The following DIP2C variants were observed in gnomAD, a reference collection of about 807,000 sequenced individuals.
The protein encoded by DIP2C is disco-interacting protein 2 homolog C.
DIP2C carries 33 observed loss-of-function variants against 192.4 expected under a neutral mutation model. The observed-to-expected ratio is 0.17, with a 90% CI of 0.13 to 0.23. The LOEUF is 0.23. DIP2C is among the 10% of genes least tolerant of loss of function. The pLI is 1.00. For missense variants in DIP2C, 1,537 were observed against 2,110.1 expected (o/e 0.73, Z 5.32); for synonymous variants, 979 against 864.1 (o/e 1.13, Z -2.33).
At chr10:599,328 G>C (rs1413450612) in intron 1 of DIP2C, among the ~76,000 whole-genome samples, 2 of 152,218 alleles carry the variant, frequency 1.3e-5, no homozygotes, top group Non-Finnish European at 2.9e-5. Flanking sequence ...ACACAGGTAA[G>C]TGAGTTTCTC....
Position 577,785 on chromosome 10 carries a change from C to T in DIP2C, c.86-91255G>A, listed in dbSNP as rs573481555. ...TAAGAGGAACTTGGCTGAGACTAAA[C>T]CCAGAGATGTTTTGTTTTGTTTCTT... On this transcript the variant is annotated intron_variant, in intron 1 of 36. Transcript: ENST00000280886. 1.7e-4 allele frequency among the ~76,000 whole-genome samples: 26 copies of T among 151,848 alleles called. 1 individual carries two copies. In the South Asian group the frequency reaches 5.2e-3, roughly 30 times the overall value.
intron 1 of DIP2C, among the ~76,000 whole-genome samples, chr10:634,611 G>T (rs967892109): frequency 7.2e-5 from 11 of 152,078 alleles, no homozygotes; most frequent in Non-Finnish European, 1.5e-4. Flanking sequence ...ATTTAGCTGG[G>T]TGTGTTGGTG....
At chr10:390,605 G>T (rs545236363) in intron 11 of DIP2C, 135 bp downstream of exon 11, 1 of 1,419,872 alleles carries the variant, frequency 7.0e-7, no homozygotes, top group Non-Finnish European at 9.6e-7. Context: ...GGACGAGAAC[G>T]CGTGAAAACT....
At chr10:621,359 G>A (rs1853835591) in intron 1 of DIP2C, among the ~76,000 whole-genome samples, 1 of 149,984 alleles carries the variant, frequency 6.7e-6, no homozygotes, top group African/African-American at 2.5e-5. Flanking sequence ...ATGCTCACGA[G>A]TCTGTGCCAA....
chr10:342,450 G>A (rs780140586), intron 28 of DIP2C, among the ~76,000 whole-genome samples: 9 of 152,150 alleles, frequency 5.9e-5, no homozygotes, highest in Non-Finnish European at 5.9e-5. Context: ...GAGACACCGC[G>A]CCTGGCCTCG....
intron 1 of DIP2C, among the ~76,000 whole-genome samples, chr10:612,761 T>C (rs747779939): frequency 6.6e-6 from 1 of 152,208 alleles, no homozygotes; most frequent in African/African-American, 2.4e-5. Flanking sequence ...TTTACACACA[T>C]GTTCATTGCT....
intron 14 of DIP2C, among the ~76,000 whole-genome samples, chr10:387,519 C>T (rs1963059622): frequency 8.0e-6 from 1 of 125,168 alleles, no homozygotes; most frequent in Non-Finnish European, 1.6e-5. Flanking sequence ...CCTGTGTGGA[C>T]AGACAGTGAG....
At chr10:508,385 C>A (rs1204322670) in intron 1 of DIP2C, among the ~76,000 whole-genome samples, 2 of 152,186 alleles carry the variant, frequency 1.3e-5, no homozygotes, top group Non-Finnish European at 2.9e-5. Context: ...TGCTCCCCAG[C>A]GTTAATGCCC....
chr10:502,268 G>C (rs1845289348), intron 1 of DIP2C, among the ~76,000 whole-genome samples: 1 of 152,176 alleles, frequency 6.6e-6, no homozygotes, highest in South Asian at 2.1e-4. Context: ...GCACACACAG[G>C]AACTAAACCT....
At chr10:538,368 T>TG (rs776970820) in intron 1 of DIP2C, among the ~76,000 whole-genome samples, 1 of 152,194 alleles carries the variant, frequency 6.6e-6, no homozygotes, top group Non-Finnish European at 1.5e-5. Flanking sequence ...TTGCCTAGCC[T>TG]GGTCTCAAAC....
intron 1 of DIP2C, among the ~76,000 whole-genome samples, chr10:645,444 C>A (rs1855399510): frequency 6.6e-6 from 1 of 152,202 alleles, no homozygotes; most frequent in African/African-American, 2.4e-5. Flanking sequence ...TGTGCCTCCT[C>A]TCTGCTCCAT....
intron 1 of DIP2C, among the ~76,000 whole-genome samples, chr10:672,891 C>T (rs1015306184): frequency 6.6e-6 from 1 of 152,152 alleles, no homozygotes; most frequent in Non-Finnish European, 1.5e-5. Flanking sequence ...CTTTTGTCAT[C>T]CATGACACAC....
intron 1 of DIP2C, among the ~76,000 whole-genome samples, chr10:571,248 C>T (rs978366703): frequency 3.3e-5 from 5 of 152,228 alleles, no homozygotes; most frequent in Admixed American, 1.3e-4. Context: ...GCTGTGCGGA[C>T]GACCTCTTCG....
chr10:318,819 CTG>C (rs1204529726), intron 31 of DIP2C, among the ~76,000 whole-genome samples: 3 of 152,136 alleles, frequency 2.0e-5, no homozygotes, highest in African/African-American at 7.2e-5. Context: ...GACAAGGAAA[CTG>C]AGAGCTCAAG....
intron 13 of DIP2C, among the ~76,000 whole-genome samples, chr10:389,228 G>A (rs1418382990): frequency 6.6e-6 from 1 of 152,090 alleles, no homozygotes; most frequent in East Asian, 1.9e-4. Flanking sequence ...GTCTCAAAGG[G>A]CCTCAGGGTA....
rs147640790 is a variant in DIP2C, at chr10:327,033, G to A, written c.3897C>T (p.Cys1299=). 3.1e-4 allele frequency: 496 copies of A among 1,613,930 alleles called. No individual in the cohort carries two copies. The highest frequency in any genetic ancestry group is 5.0e-4 in the Middle Eastern group (3 of 6,058). ...HPRAVSTSFG[C]RVNLAICLQG... ...GCAAGCAAATCGCCAGGTTCACCCT[G>A]CAACCGAACGAGGTGCTGACGGCCC... Residue 1299 remains cysteine, a synonymous_variant, in exon 31 of 37, where the codon TGC becomes TGT. Coordinates refer to ENST00000280886, the MANE Select transcript of DIP2C (RefSeq NM_014974.3).
chr10:646,803 C>G (rs1166540099), intron 1 of DIP2C, among the ~76,000 whole-genome samples: 1 of 152,212 alleles, frequency 6.6e-6, no homozygotes, highest in African/African-American at 2.4e-5. Context: ...TGACTCTCAA[C>G]TGGGGGAGGT....
chr10:284,924 C>T (rs542281683), intron 34 of DIP2C, among the ~76,000 whole-genome samples: 11 of 152,284 alleles, frequency 7.2e-5, no homozygotes, highest in Middle Eastern at 3.4e-3. Context: ...CTGGAAATTT[C>T]GCCAGTTCTG....
At chr10:469,730 G>A (rs1970480499) in intron 3 of DIP2C, among the ~76,000 whole-genome samples, 1 of 152,116 alleles carries the variant, frequency 6.6e-6, no homozygotes, top group Non-Finnish European at 1.5e-5. Context: ...AACCCTGACT[G>A]GCCCCCACTG....
Sources: gnomAD v4.1 joint callset for allele counts (sites outside exome capture counted in the v4.1 genomes callset) on GRCh38, gnomAD v4.1.1 for gene constraint, MANE v1.5 for transcripts, NCBI Gene and HGNC (gene_info 2026-07-23, HGNC 2026-07-21) for gene names.